Variants in SP100 observed in about 807,000 individuals in gnomAD.
The protein encoded by SP100 is SP100 nuclear body protein, also known as nuclear autoantigen Sp-100.
SP100 carries 84 observed loss-of-function variants against 130.0 expected under a neutral mutation model. That is an observed-to-expected ratio of 0.65 (90% CI 0.54 to 0.77). SP100 has a LOEUF of 0.77. Ranked by LOEUF, SP100 falls within the 30% of genes least tolerant of loss-of-function variation. The pLI is 0.00. For missense variants in SP100, 978 were observed against 1,052.2 expected (o/e 0.93, Z 0.97); for synonymous variants, 331 against 351.7 (o/e 0.94, Z 0.66).
At chr2:230,421,598 T>G (rs2062772801) in intron 2 of SP100, among the ~76,000 whole-genome samples, 1 of 151,812 alleles carries the variant, frequency 6.6e-6, no homozygotes, top group Non-Finnish European at 1.5e-5. Context: ...AAAAAAAATT[T>G]TATCCTTAAT....
chr2:230,536,656 CAT>C (rs1484480075), intron 24 of SP100, among the ~76,000 whole-genome samples: 4 of 152,148 alleles, frequency 2.6e-5, no homozygotes, highest in Admixed American at 2.6e-4. Context: ...AATATAGATA[CAT>C]TTCTGCTATA....
intron 8 of SP100, among the ~76,000 whole-genome samples, chr2:230,453,060 G>A (rs1264987603): frequency 6.6e-6 from 1 of 152,182 alleles, no homozygotes; most frequent in Non-Finnish European, 1.5e-5. Context: ...ATAAAGGAAA[G>A]GGGTTTAATT....
chr2:230,465,318 G>C (rs1035582291), intron 11 of SP100, among the ~76,000 whole-genome samples: 2 of 152,106 alleles, frequency 1.3e-5, no homozygotes, highest in African/African-American at 2.4e-5. Context: ...AGAGTCACTG[G>C]AACCTGGGAA....
At chr2:230,516,966 T>C (rs1690947143) in intron 24 of SP100, among the ~76,000 whole-genome samples, 1 of 152,174 alleles carries the variant, frequency 6.6e-6, no homozygotes, top group Non-Finnish European at 1.5e-5. Flanking sequence ...AAATATTACT[T>C]TAGAAAAGAC....
intron 15 of SP100, chr2:230,470,458 A>G (rs911929603): frequency 2.0e-6 from 2 of 980,546 alleles, no homozygotes; most frequent in Non-Finnish European, 2.4e-6. Context: ...GTAATTGTAA[A>G]GCCTCAAAAG....
chr2:230,446,882 T>A lies in SP100; in HGVS notation c.503T>A (p.Leu168His). The A allele has an allele frequency of 6.2e-7, 1 of 1,609,240 alleles. No homozygotes were observed. The highest frequency in any genetic ancestry group is 1.1e-5 in the South Asian group (1 of 90,752). Residue 168 changes from leucine to histidine, a missense_variant, in exon 5 of 29, where the codon CTC (leucine) becomes CAC (histidine). Coordinates refer to ENST00000340126, the MANE Select transcript of SP100 (RefSeq NM_001080391.2). ...GAAGAGAGGGAGGAGAGGTCTGGCC[T>A]CCAACTAAGTCTTGAACAAGGTAAA... ...EEEEREERSG[L>H]QLSLEQGTGE...
intron 17 of SP100, among the ~76,000 whole-genome samples, chr2:230,476,418 T>A (rs1238798844): frequency 6.6e-6 from 1 of 152,220 alleles, no homozygotes; most frequent in African/African-American, 2.4e-5. Flanking sequence ...ATTTGTCAGT[T>A]CCAGGAGCAT....
At chr2:230,510,731 G>C (rs1690529824) in intron 23 of SP100, 1 of 236,722 alleles carries the variant, frequency 4.2e-6, no homozygotes, top group Non-Finnish European at 8.3e-6. Flanking sequence ...TCTTGACCTT[G>C]TGATCTGCCC....
At position 230,472,684 on chromosome 2, in the gene SP100, G is replaced by A. The variant is rs926650379; in HGVS notation, c.1430-640G>A. Among the ~76,000 whole-genome samples, 7 of 152,234 alleles carry A rather than the reference G, an allele frequency of 4.6e-5. No homozygotes were observed. The South Asian group carries it at 1.2e-3, about 27-fold the overall frequency. The stretch of plus-strand genomic sequence containing the variant: ...AAAATGGAGGCAAGAAGGGGGAAGT[G>A]TAAATGGGAGAGAAGAGAATGATGG... On this transcript the variant is annotated intron_variant, in intron 15 of 28. Coordinates refer to ENST00000340126, the MANE Select transcript of SP100 (RefSeq NM_001080391.2).
At chr2:230,477,939 C>A (rs201657843) in intron 17 of SP100, among the ~76,000 whole-genome samples, 2,413 of 124,598 alleles carry the variant, frequency 0.019, 1 homozygote, top group Non-Finnish European at 0.024. Flanking sequence ...TGTCTCAAAA[C>A]AAAACAAACA....
intron 24 of SP100, among the ~76,000 whole-genome samples, chr2:230,537,384 A>T (rs1270593519): frequency 6.6e-6 from 1 of 151,850 alleles, no homozygotes; most frequent in Non-Finnish European, 1.5e-5. Flanking sequence ...ATCAATCCAC[A>T]CTGTTTCTGT....
rs2063214869 is a variant in SP100, at chr2:230,435,132, GAGTA to G, written c.108-7801_108-7798del. Among the ~76,000 whole-genome samples, 6 of 152,332 alleles carry G rather than the reference GAGTA, an allele frequency of 3.9e-5. No homozygotes were observed. In the South Asian group the frequency reaches 8.3e-4, roughly 21 times the overall value. ...AGTAATTCATGCTTACACCAGGGAT[GAGTA>G]AGTGTCTGTTTTTCTGAATCTTCTC... On this transcript the variant is annotated intron_variant, in intron 2 of 28. Transcript: ENST00000340126.
intron 2 of SP100, among the ~76,000 whole-genome samples, chr2:230,427,651 C>T (rs934040038): frequency 6.6e-6 from 1 of 151,630 alleles, no homozygotes; most frequent in Non-Finnish European, 1.5e-5. Context: ...TTTCTTGTTG[C>T]CTTCCTTTGT....
intron 24 of SP100, chr2:230,537,708 C>G (rs955431177): frequency 6.6e-6 from 1 of 152,230 alleles, no homozygotes; most frequent in Non-Finnish European, 1.5e-5. Context: ...CCCCCGCAAC[C>G]GCCTGACAAA....
chr2:230,511,032 T>C, intron 23 of SP100, 93 bp from the exon 24 acceptor site: 1 of 843,692 alleles, frequency 1.2e-6, no homozygotes, highest in Non-Finnish European at 2.1e-6. Context: ...GGCTGTGGCA[T>C]GAATCCCTTA....
In SP100 at chr2:230,535,780, G is replaced by A. The variant is rs1575818097; in HGVS notation, c.2095-3487G>A. 2.6e-5 allele frequency among the ~76,000 whole-genome samples: 4 copies of A among 151,350 alleles called. No homozygotes were observed. In the East Asian group the frequency reaches 5.8e-4, roughly 22 times the overall value. On this transcript the variant is annotated intron_variant, in intron 24 of 28. Coordinates refer to ENST00000340126, the MANE Select transcript of SP100 (RefSeq NM_001080391.2). Reference sequence around the variant, plus strand: ...AAATTAGCCAGGAGTGGTGGTGCATGCCTGTCGTCCCAGCTACTCGGGAGG... The same window carrying A: ...AAATTAGCCAGGAGTGGTGGTGCATACCTGTCGTCCCAGCTACTCGGGAGG...
intron 17 of SP100, among the ~76,000 whole-genome samples, chr2:230,483,310 G>A (rs558970095): frequency 6.6e-6 from 1 of 152,298 alleles, no homozygotes; most frequent in Admixed American, 6.5e-5. Flanking sequence ...AGATCTAAAT[G>A]CAGTGAGGGA....
chr2:230,439,485 T>G (rs561063267), intron 2 of SP100, among the ~76,000 whole-genome samples: 1 of 152,328 alleles, frequency 6.6e-6, no homozygotes, highest in African/African-American at 2.4e-5. Flanking sequence ...CAGCAGTGTT[T>G]TGTAGTTCTC....
chr2:230,472,630 A>G (rs1428214387), intron 15 of SP100, among the ~76,000 whole-genome samples: 1 of 152,114 alleles, frequency 6.6e-6, no homozygotes, highest in Non-Finnish European at 1.5e-5. Context: ...AACAAGAAGT[A>G]TGTAGAGAAA....
Sources: allele counts gnomAD v4.1 joint callset (sites outside exome capture counted in the v4.1 genomes callset), GRCh38; gene constraint gnomAD v4.1.1; transcripts MANE v1.5; gene names NCBI Gene and HGNC (gene_info 2026-07-23, HGNC 2026-07-21).